Variants in PLRG1 observed in about 807,000 individuals in gnomAD.
The protein encoded by PLRG1 is pleiotropic regulator 1 (PRL1 homolog, Arabidopsis).
In PLRG1, 28 loss-of-function variants were observed where a neutral mutation model predicts 74.9. The observed-to-expected ratio is 0.37, with a 90% confidence interval of 0.28 to 0.51. PLRG1 has a LOEUF of 0.51. Among genes scored for constraint, PLRG1 ranks in the 20% least tolerant of loss-of-function variants. PLRG1 has a pLI of 0.91. For missense variants in PLRG1, 445 were observed against 631.9 expected (o/e 0.70, Z 3.17); for synonymous variants, 197 against 212.4 (o/e 0.93, Z 0.63).
intron 12 of PLRG1, among the ~76,000 whole-genome samples, chr4:154,538,503 C>A (rs1729495363): frequency 6.6e-6 from 1 of 150,750 alleles, no homozygotes; most frequent in Non-Finnish European, 1.5e-5. Context: ...AGAGAGAGAA[C>A]AGGAGGGAGG....
intron 1 of PLRG1, among the ~76,000 whole-genome samples, chr4:154,550,052 A>G (rs1185749760): frequency 6.6e-6 from 1 of 152,226 alleles, no homozygotes; most frequent in Non-Finnish European, 1.5e-5. Context: ...CCAGCTCCCA[A>G]GAGTCAAACG....
Position 154,546,181 on chromosome 4 carries a change from T to A in PLRG1, c.346A>T (p.Arg116Ter). 6.2e-7 allele frequency: 1 copy of A among 1,609,554 alleles called. No homozygotes were observed. The highest frequency in any genetic ancestry group is 8.5e-7 in the Non-Finnish European group (1 of 1,175,894). ...VALTADTKIQ[R>*]MPSESAAQSL... ...TGTGCAGCTGATTCACTTGGCATTCTCTGGATCTTAGTATCTGCTGTCAAA... is the reference window on the plus strand; with the variant it reads ...TGTGCAGCTGATTCACTTGGCATTCACTGGATCTTAGTATCTGCTGTCAAA... The change falls in exon 5 of 15, where the codon AGA becomes TGA. Residue 116 changes from arginine to a stop codon, truncating the protein, a stop_gained. Coordinates refer to ENST00000499023, the MANE Select transcript of PLRG1 (RefSeq NM_002669.4). LOFTEE classifies it high-confidence loss of function.
chr4:154,536,680 AT>A lies in PLRG1; in HGVS notation c.*4del. 1 of 1,438,296 alleles carries A rather than the reference AT, an allele frequency of 7.0e-7. No homozygotes were observed. Among genetic ancestry groups the A allele is most frequent in the Non-Finnish European group, 9.6e-7 (1 of 1,039,612 alleles). The allele number at this position is 1,438,296 out of a possible 1,614,324, so 89.1% of individuals were successfully genotyped here. On this transcript the variant is annotated 3_prime_UTR_variant, in exon 15 of 15. Transcript: ENST00000499023. ...AAAAAAGAGAGAGAAAAAATTCCAC[AT>A]TCATTAAAATCTCTTTCTCTTGATA...
intron 5 of PLRG1, 60 bp from the exon 6 acceptor site, chr4:154,545,983 AAACT>A (rs1196272811): frequency 8.5e-7 from 1 of 1,176,444 alleles, no homozygotes; most frequent in Non-Finnish European, 1.2e-6. Flanking sequence ...GTATTCTGCA[AAACT>A]AACCCTTTAT....
At chr4:154,546,944 A>T in intron 4 of PLRG1, 67 bp downstream of exon 4, 1 of 1,150,914 alleles carries the variant, frequency 8.7e-7, no homozygotes, top group Non-Finnish European at 1.3e-6. Flanking sequence ...GAATCTCATT[A>T]TTGGCTCGTT....
chr4:154,541,108 G>A lies in PLRG1; in HGVS notation c.688-174C>T, dbSNP rs572571016. Among the ~76,000 whole-genome samples, 12 of 152,084 alleles carry A rather than the reference G, an allele frequency of 7.9e-5. No homozygotes were observed. In the East Asian group the frequency reaches 2.3e-3, roughly 29 times the overall value. On this transcript the variant is annotated intron_variant, in intron 8 of 14. Coordinates refer to ENST00000499023, the MANE Select transcript of PLRG1 (RefSeq NM_002669.4). Reference sequence around the variant, plus strand: ...TCCAAATAAAAGCAAGAAAAAAACTGGCATGCTCAAACTGGAAAAATATTT... The same window carrying A: ...TCCAAATAAAAGCAAGAAAAAAACTAGCATGCTCAAACTGGAAAAATATTT...
intron 12 of PLRG1, among the ~76,000 whole-genome samples, chr4:154,538,420 G>A (rs564130424): frequency 1.3e-4 from 19 of 151,978 alleles, no homozygotes; most frequent in Admixed American, 5.3e-4. Context: ...AATGTGTTAT[G>A]CAACTCTTTT....
intron 11 of PLRG1, 69 bp downstream of exon 11, chr4:154,539,882 A>G (rs1729524039): frequency 1.2e-6 from 1 of 814,396 alleles, no homozygotes; most frequent in Non-Finnish European, 2.2e-6. Context: ...CATGAATATT[A>G]AAAGTATATG....
intron 3 of PLRG1, chr4:154,547,443 C>A: frequency 2.0e-6 from 1 of 512,774 alleles, no homozygotes; most frequent in Non-Finnish European, 3.4e-6. Context: ...AGAATATTCT[C>A]CAATTTTTTC....
chr4:154,536,104 C>T lies in PLRG1; in HGVS notation c.*581G>A, dbSNP rs2111097243. Reference sequence around the variant, plus strand: ...TATCCCTTCTGTTCCCCCAGCATTTCACCTGCACCTCTGTTACAGAATTTC... The same window carrying T: ...TATCCCTTCTGTTCCCCCAGCATTTTACCTGCACCTCTGTTACAGAATTTC... On this transcript the variant is annotated 3_prime_UTR_variant, in exon 15 of 15. Transcript: ENST00000499023. 6.5e-6 allele frequency: 1 copy of T among 153,194 alleles called. No homozygotes were observed. Among genetic ancestry groups the T allele is most frequent in the South Asian group, 2.1e-4 (1 of 4,862 alleles). 9.5% of individuals were successfully genotyped at this position (153,194 alleles called of 1,614,324 possible). A position where few individuals can be genotyped will look rare whatever the true frequency, so the allele number is the denominator to read the frequency against.
chr4:154,545,761 A>G (rs1729639758), intron 6 of PLRG1, 75 bp downstream of exon 6: 1 of 833,026 alleles, frequency 1.2e-6, no homozygotes, highest in South Asian at 1.6e-5. Context: ...TTATCTTAAT[A>G]ATTCCAAAGA....
chr4:154,541,127 A>T (rs778443714), intron 8 of PLRG1, among the ~76,000 whole-genome samples, 193 bp from the exon 9 acceptor site: 2 of 152,188 alleles, frequency 1.3e-5, no homozygotes, highest in Non-Finnish European at 2.9e-5. Context: ...AAACTGGAAA[A>T]ATATTTGCAA....
intron 3 of PLRG1, 154 bp downstream of exon 3, chr4:154,547,557 T>C (rs1729680619): frequency 7.4e-6 from 5 of 673,430 alleles, no homozygotes; most frequent in Non-Finnish European, 7.7e-6. Flanking sequence ...AGTATTCCCA[T>C]GAGGATCAAA....
In PLRG1 at chr4:154,536,685, T is replaced by C; in HGVS notation, c.1545A>G (p.Ter515=). The change falls in exon 15 of 15, where the codon TAA becomes TAG. Residue 515 remains the stop codon, a stop_retained_variant. Coordinates refer to ENST00000499023, the MANE Select transcript of PLRG1 (RefSeq NM_002669.4). ...KPEIIKRKRF[*] ...AGAGAGAGAAAAAATTCCACATTCA[T>C]TAAAATCTCTTTCTCTTGATAATTT... 1 of 1,483,202 alleles carries C rather than the reference T, an allele frequency of 6.7e-7. No individual in the cohort carries two copies. The highest frequency in any genetic ancestry group is 9.3e-7 in the Non-Finnish European group (1 of 1,079,494). The allele number at this position is 1,483,202 out of a possible 1,614,324, so 91.9% of individuals were successfully genotyped here.
chr4:154,542,367 C>T (rs112470764), intron 7 of PLRG1, 88 bp from the exon 8 acceptor site: 2 of 738,712 alleles, frequency 2.7e-6, no homozygotes, highest in Admixed American at 4.0e-5. Flanking sequence ...AATTGCCCTC[C>T]CATCTTCAAA....
chr4:154,547,141 T>A, intron 3 of PLRG1, 77 bp from the exon 4 acceptor site: 2 of 1,034,020 alleles, frequency 1.9e-6, no homozygotes, highest in Non-Finnish European at 1.5e-6. Context: ...ATGTATCAAG[T>A]AATATTAAGT....
intron 11 of PLRG1, among the ~76,000 whole-genome samples, chr4:154,539,528 C>A (rs1465751381): frequency 6.6e-6 from 1 of 151,928 alleles, no homozygotes; most frequent in African/African-American, 2.4e-5. Flanking sequence ...TAATAAAATA[C>A]ATCAGGCAAA....
Position 154,536,728 on chromosome 4 carries a change from G to T in PLRG1, c.1502C>A (p.Pro501Gln). 6.5e-7 allele frequency: 1 copy of T among 1,529,810 alleles called. No individual in the cohort carries two copies. The highest frequency in any genetic ancestry group is 8.9e-7 in the Non-Finnish European group (1 of 1,121,502). 94.8% of individuals were successfully genotyped at this position (1,529,810 alleles called of 1,614,324 possible). Reference protein sequence around the residue: ...EDDTATEETHPVSWKPEIIKR... With the variant: ...EDDTATEETHQVSWKPEIIKR... ...GATAATTTCTGGTTTCCAGCTGACT[G>T]GATGAGTTTCTTCTGTCTAAAAATA... The change falls in exon 15 of 15, where the codon CCA (proline) becomes CAA (glutamine). Residue 501 changes from proline (P) to glutamine (Q), a missense_variant. Coordinates refer to ENST00000499023, the MANE Select transcript of PLRG1 (RefSeq NM_002669.4).
chr4:154,544,496 T>C lies in PLRG1; in HGVS notation c.543A>G (p.Lys181=). The change falls in exon 7 of 15, where the codon AAA becomes AAG. Residue 181 remains lysine, a synonymous_variant. Transcript: ENST00000499023. ...ACTGGGGTTTTGGCATTGTAGGGGC[T>C]TTTTTAGCCATCAGTGCAGAGTTCT... ...NTKNSALMAK[K]APTMPKPQWH... 6 of 1,611,326 alleles carry C rather than the reference T, an allele frequency of 3.7e-6. No individual in the cohort carries two copies. The highest frequency in any genetic ancestry group is 5.1e-6 in the Non-Finnish European group (6 of 1,177,498).
Sources: allele counts gnomAD v4.1 joint callset (sites outside exome capture counted in the v4.1 genomes callset), GRCh38; gene constraint gnomAD v4.1.1; transcripts MANE v1.5; gene names NCBI Gene and HGNC (gene_info 2026-07-23, HGNC 2026-07-21).